Variants in ADD3 observed in about 807,000 individuals in gnomAD.
The protein encoded by ADD3 is adducin 3.
ADD3 carries 25 observed loss-of-function variants against 80.2 expected under a neutral mutation model. The ratio of observed to expected loss-of-function variants is 0.31; its 90% CI spans 0.23 to 0.44. ADD3 has a LOEUF of 0.44. ADD3 is among the 20% of genes least tolerant of loss of function. ADD3 has a pLI of 1.00. For synonymous variants in ADD3, 284 were observed against 289.6 expected (o/e 0.98, Z 0.20); for missense variants, 829 against 847.5 (o/e 0.98, Z 0.27).
At chr10:110,063,736 A>T (rs1482559660) in intron 1 of ADD3, among the ~76,000 whole-genome samples, 8 of 45,812 alleles carry the variant, frequency 1.7e-4, no homozygotes, top group African/African-American at 6.4e-4. Flanking sequence ...ATATATATTC[A>T]TTATATATAT....
At chr10:110,011,986 G>A (rs1488977649) in intron 1 of ADD3, among the ~76,000 whole-genome samples, 3 of 152,328 alleles carry the variant, frequency 2.0e-5, no homozygotes, top group Middle Eastern at 3.4e-3. Flanking sequence ...ATACAGGTTA[G>A]AAGTCTTTCA....
At chr10:110,048,998 C>T (rs1857199062) in intron 1 of ADD3, among the ~76,000 whole-genome samples, 1 of 152,208 alleles carries the variant, frequency 6.6e-6, no homozygotes, top group South Asian at 2.1e-4. Flanking sequence ...GTTTCATGGA[C>T]TGGGCCCAGA....
At chr10:110,120,379 C>T (rs1590211218) in intron 8 of ADD3, among the ~76,000 whole-genome samples, 1 of 151,068 alleles carries the variant, frequency 6.6e-6, no homozygotes, top group African/African-American at 2.4e-5. Flanking sequence ...CCAATTTCAT[C>T]CATGTCCCTA....
At chr10:110,075,432 G>A (rs1329898544) in intron 1 of ADD3, among the ~76,000 whole-genome samples, 1 of 151,864 alleles carries the variant, frequency 6.6e-6, no homozygotes, top group African/African-American at 2.4e-5. Flanking sequence ...GTGTGATCTT[G>A]TGCACATTCC....
chr10:110,047,183 G>A (rs1010370339), intron 1 of ADD3, among the ~76,000 whole-genome samples: 1 of 152,188 alleles, frequency 6.6e-6, no homozygotes, highest in Non-Finnish European at 1.5e-5. Context: ...CTTTAGGGCA[G>A]TTGTAAAAGT....
intron 1 of ADD3, among the ~76,000 whole-genome samples, chr10:110,049,755 C>T (rs868081293): frequency 6.6e-6 from 1 of 152,028 alleles, no homozygotes; most frequent in Non-Finnish European, 1.5e-5. Context: ...GGCGTTGTGG[C>T]AGGCGCCTGT....
chr10:110,122,005 G>C (rs748691616), intron 8 of ADD3, 105 bp from the exon 9 acceptor site: 3 of 943,936 alleles, frequency 3.2e-6, no homozygotes, highest in Non-Finnish European at 4.7e-6. Context: ...GCCTGAGCAA[G>C]TATTATAGAT....
At chr10:110,123,403 G>A (rs766406944) in intron 9 of ADD3, among the ~76,000 whole-genome samples, 10 of 141,180 alleles carry the variant, frequency 7.1e-5, no homozygotes, top group Non-Finnish European at 1.0e-4. Flanking sequence ...TTATAATAGC[G>A]ATTCTAACAG....
intron 1 of ADD3, among the ~76,000 whole-genome samples, chr10:110,060,313 G>A (rs1176232893): frequency 6.6e-6 from 1 of 152,158 alleles, no homozygotes; most frequent in Non-Finnish European, 1.5e-5. Context: ...GCCCACATGA[G>A]AATGTGAATA....
intron 1 of ADD3, among the ~76,000 whole-genome samples, chr10:110,096,339 T>G (rs1848151476): frequency 1.3e-5 from 2 of 152,202 alleles, no homozygotes; most frequent in South Asian, 4.2e-4. Flanking sequence ...CCTCACTGCC[T>G]TGTCAGCCTC....
chr10:110,043,253 G>T (rs1013622817), intron 1 of ADD3, among the ~76,000 whole-genome samples: 1 of 152,130 alleles, frequency 6.6e-6, no homozygotes, highest in Non-Finnish European at 1.5e-5. Context: ...ACTTGCATCC[G>T]AATTAATGTT....
At chr10:110,003,340 AAG>A (rs957520527), upstream of ADD3, among the ~76,000 whole-genome samples, 13 of 113,562 alleles carry the variant, frequency 1.1e-4, no homozygotes, top group Non-Finnish European at 5.2e-5. Context: ...TGCATGGAGA[AAG>A]AGGAAGAGAG....
chr10:110,021,047 T>C (rs1242245738), intron 1 of ADD3, among the ~76,000 whole-genome samples: 2 of 152,234 alleles, frequency 1.3e-5, no homozygotes, highest in African/African-American at 2.4e-5. Flanking sequence ...CCTCCATTTT[T>C]TAAATGGTTG....
chr10:110,086,760 A>T (rs911461344), intron 1 of ADD3, among the ~76,000 whole-genome samples: 1 of 152,166 alleles, frequency 6.6e-6, no homozygotes, highest in African/African-American at 2.4e-5. Context: ...GAACTGTGGT[A>T]AATTAAACCT....
At chr10:110,019,416 G>A (rs1170576846) in intron 1 of ADD3, among the ~76,000 whole-genome samples, 6 of 150,204 alleles carry the variant, frequency 4.0e-5, no homozygotes, top group Non-Finnish European at 7.4e-5. Flanking sequence ...GTGCAGTGGC[G>A]CCATCTCGGC....
At chr10:110,015,349 T>C (rs558159431) in intron 1 of ADD3, among the ~76,000 whole-genome samples, 3 of 152,122 alleles carry the variant, frequency 2.0e-5, no homozygotes, top group African/African-American at 4.8e-5. Flanking sequence ...AAACTAGAGC[T>C]GCACTAATTT....
intron 1 of ADD3, among the ~76,000 whole-genome samples, chr10:110,015,050 T>G (rs530509123): frequency 2.2e-4 from 34 of 152,122 alleles, no homozygotes; most frequent in African/African-American, 7.7e-4. Flanking sequence ...ATTTTTTGTA[T>G]TTTTAGTAGA....
intron 1 of ADD3, among the ~76,000 whole-genome samples, chr10:110,041,947 T>A (rs939552968): frequency 6.6e-6 from 1 of 152,228 alleles, no homozygotes; most frequent in African/African-American, 2.4e-5. Flanking sequence ...GATAATTTTT[T>A]TATATTTGAG....
chr10:110,125,262 G>A (rs1851998320), intron 10 of ADD3, among the ~76,000 whole-genome samples: 1 of 152,102 alleles, frequency 6.6e-6, no homozygotes, highest in Non-Finnish European at 1.5e-5. Flanking sequence ...ATTATAATAT[G>A]GGGTAAATGA....
Sources: gnomAD v4.1 joint callset for allele counts (sites outside exome capture counted in the v4.1 genomes callset) on GRCh38, gnomAD v4.1.1 for gene constraint, MANE v1.5 for transcripts, NCBI Gene and HGNC (gene_info 2026-07-23, HGNC 2026-07-21) for gene names.